Variants in CDH18 observed in about 807,000 individuals in gnomAD.
The protein encoded by CDH18 is cadherin-18.
CDH18 carries 31 observed loss-of-function variants against 67.9 expected under a neutral mutation model. That is an observed-to-expected ratio of 0.46 (90% CI 0.34 to 0.62). The LOEUF is 0.62. Ranked by LOEUF, CDH18 falls within the 20% of genes least tolerant of loss-of-function variation. The pLI is 0.01. For missense variants in CDH18, 890 were observed against 975.5 expected, an observed-to-expected ratio of 0.91 and a Z score of 1.17; for synonymous variants, 362 against 347.2, an observed-to-expected ratio of 1.04 and a Z score of -0.48.
At chr5:20,376,091 A>ATCTTTTTTTTTTT (rs1743396782) in intron 1 of CDH18, among the ~76,000 whole-genome samples, 1 of 49,748 alleles carries the variant, frequency 2.0e-5, no homozygotes, top group East Asian at 6.6e-4. Context: ...AAAAGAAACA[A>ATCTTTTTTTTTTT]TTTTTTTTTT....
At chr5:20,512,228 A>T (rs987110213) in intron 1 of CDH18, among the ~76,000 whole-genome samples, 2 of 152,162 alleles carry the variant, frequency 1.3e-5, no homozygotes, top group Admixed American at 6.5e-5. Flanking sequence ...GTCTCAAAAA[A>T]ATAAAAAAAT....
intron 2 of CDH18, among the ~76,000 whole-genome samples, chr5:20,116,326 A>G (rs1346556498): frequency 6.6e-6 from 1 of 152,018 alleles, no homozygotes; most frequent in African/African-American, 2.4e-5. Flanking sequence ...GCTGGCCAAC[A>G]TGATGAAACC....
At chr5:19,629,454 C>G (rs577478481) in intron 5 of CDH18, among the ~76,000 whole-genome samples, 2 of 152,126 alleles carry the variant, frequency 1.3e-5, no homozygotes, top group South Asian at 4.2e-4. Context: ...CATTCTTGCC[C>G]AACATAATGA....
intron 6 of CDH18, among the ~76,000 whole-genome samples, chr5:19,608,231 T>C (rs1292791041): frequency 2.0e-5 from 3 of 151,584 alleles, no homozygotes; most frequent in Admixed American, 6.6e-5. Flanking sequence ...GTTATCAAAA[T>C]CAAATATATA....
intron 2 of CDH18, among the ~76,000 whole-genome samples, chr5:20,228,103 G>A (rs1741780474): frequency 6.6e-6 from 1 of 152,012 alleles, no homozygotes; most frequent in African/African-American, 2.4e-5. Context: ...GAAACACTCT[G>A]TCCTTAGTTT....
chr5:19,880,228 A>G (rs1215648493), intron 2 of CDH18, among the ~76,000 whole-genome samples: 3 of 151,960 alleles, frequency 2.0e-5, no homozygotes, highest in Non-Finnish European at 4.4e-5. Context: ...TAAGACATGA[A>G]GTCATTCAAA....
intron 2 of CDH18, among the ~76,000 whole-genome samples, chr5:20,181,794 T>TCAGG (rs1247505631): frequency 6.6e-6 from 1 of 152,126 alleles, no homozygotes; most frequent in African/African-American, 2.4e-5. Context: ...AAGCATGCTA[T>TCAGG]CAGGCAGTGT....
chr5:20,210,668 T>C (rs187421403), intron 2 of CDH18, among the ~76,000 whole-genome samples: 439 of 152,108 alleles, frequency 2.9e-3, no homozygotes, highest in African/African-American at 9.2e-3. Flanking sequence ...GTGATTTAGG[T>C]GAAAACACTT....
chr5:20,354,476 G>T (rs1741446149), intron 1 of CDH18, among the ~76,000 whole-genome samples: 1 of 152,154 alleles, frequency 6.6e-6, no homozygotes, highest in Non-Finnish European at 1.5e-5. Flanking sequence ...GTACAGTGGA[G>T]CAGTCTTCAC....
intron 2 of CDH18, among the ~76,000 whole-genome samples, chr5:20,033,653 A>T (rs1168236034): frequency 8.5e-5 from 13 of 152,088 alleles, no homozygotes; most frequent in Admixed American, 8.5e-4. Context: ...AGACTATTTT[A>T]AAAATATATC....
chr5:20,331,044 A>G lies in CDH18; in HGVS notation c.-579-75539T>C, dbSNP rs1022465690. Among the ~76,000 whole-genome samples the G allele has an allele frequency of 3.9e-5, 6 of 152,200 alleles. No individual in the cohort carries two copies. The East Asian group carries it at 9.6e-4, about 24-fold the overall frequency. ...GTATTAGTTTCCTAAAGAGTTCTCC[A>G]CAGTGCATTTCATGAGAAAGTATTA... On this transcript the variant is annotated intron_variant, in intron 1 of 14. Coordinates refer to the CDH18 transcript ENST00000507958.
intron 2 of CDH18, among the ~76,000 whole-genome samples, chr5:20,083,798 A>G (rs1744701527): frequency 6.6e-6 from 1 of 152,100 alleles, no homozygotes; most frequent in African/African-American, 2.4e-5. Context: ...TGTGCAGGGG[A>G]ACTCCTATTT....
At chr5:20,138,963 C>T (rs1036189361) in intron 2 of CDH18, among the ~76,000 whole-genome samples, 14 of 151,984 alleles carry the variant, frequency 9.2e-5, no homozygotes, top group African/African-American at 1.4e-4. Flanking sequence ...GGAAAAAAAC[C>T]ACTTTAAAGT....
chr5:19,995,015 T>G (rs967445314), intron 2 of CDH18, among the ~76,000 whole-genome samples: 10 of 150,840 alleles, frequency 6.6e-5, no homozygotes, highest in African/African-American at 2.4e-4. Flanking sequence ...TGAGCACCAA[T>G]GCTCAAGGAC....
intron 2 of CDH18, among the ~76,000 whole-genome samples, chr5:19,970,657 C>T (rs1000021816): frequency 5.9e-5 from 9 of 151,498 alleles, no homozygotes; most frequent in African/African-American, 1.9e-4. Flanking sequence ...TATTTAAATG[C>T]TAAGTTCACG....
chr5:19,987,457 C>T (rs1799683536), intron 1 of CDH18, among the ~76,000 whole-genome samples: 1 of 151,674 alleles, frequency 6.6e-6, no homozygotes, highest in Admixed American at 6.6e-5. Flanking sequence ...TTTCATGCAT[C>T]ATTTATAAGT....
rs58375862 is a variant in CDH18 at position 19,842,209 on chromosome 5, C to T, written c.-256-2967G>A. 3.0e-3 allele frequency among the ~76,000 whole-genome samples: 464 copies of T among 152,218 alleles called. 3 individuals are homozygous for T. The highest frequency in any genetic ancestry group is 0.01 in the Middle Eastern group (3 of 294). On this transcript the variant is annotated intron_variant, in intron 2 of 12. Coordinates refer to ENST00000382275, the MANE Select transcript of CDH18 (RefSeq NM_004934.5). The stretch of plus-strand genomic sequence containing the variant: ...TTCCAATATGTGAATTCTGATAAAC[C>T]GAGCCCTGACTTTCACCACTAGTCA...
intron 5 of CDH18, among the ~76,000 whole-genome samples, chr5:19,709,086 C>G (rs937285280): frequency 1.2e-4 from 18 of 152,088 alleles, no homozygotes; most frequent in African/African-American, 4.1e-4. Context: ...TACCCATGAA[C>G]CAATCACTTG....
In CDH18 at chr5:20,369,109, T is replaced by C. The variant is rs558811766; in HGVS notation, c.-579-113604A>G. On this transcript the variant is annotated intron_variant, in intron 1 of 14. Transcript: ENST00000507958. ...GCTATGGAAACCAAAAAAAGAGCTT[T>C]AGAAATCCCGGAAAATTGATTTTTT... is the stretch of plus-strand genomic sequence containing the variant. Among the ~76,000 whole-genome samples, 37 of 152,122 alleles carry C rather than the reference T, an allele frequency of 2.4e-4. No individual in the cohort carries two copies. In the East Asian group the frequency reaches 7.1e-3, roughly 29 times the overall value.
Sources: allele counts gnomAD v4.1 joint callset (sites outside exome capture counted in the v4.1 genomes callset), GRCh38; gene constraint gnomAD v4.1.1; transcripts MANE v1.5; gene names NCBI Gene and HGNC (gene_info 2026-07-23, HGNC 2026-07-21).